Variants in ST8SIA1 observed in about 807,000 individuals in gnomAD.
ST8SIA1 encodes the protein ST8 alpha-N-acetyl-neuraminide alpha-2,8-sialyltransferase 1, also known as alpha-N-acetylneuraminide alpha-2,8-sialyltransferase.
ST8SIA1 carries 16 observed loss-of-function variants against 35.9 expected under a neutral mutation model. The observed-to-expected ratio is 0.45, with a 90% confidence interval of 0.30 to 0.68. The LOEUF (loss-of-function observed/expected upper bound fraction) is 0.68, where lower values mean the gene tolerates loss of function less well. Ranked by LOEUF, ST8SIA1 falls within the 30% of genes least tolerant of loss-of-function variation. ST8SIA1 has a pLI of 0.09. For missense variants in ST8SIA1, 383 were observed against 453.6 expected (o/e 0.84, Z 1.41); for synonymous variants, 170 against 169.6 (o/e 1.00, Z -0.02).
At chr12:22,260,450 G>A (rs1250974662) in intron 2 of ST8SIA1, among the ~76,000 whole-genome samples, 5 of 152,136 alleles carry the variant, frequency 3.3e-5, no homozygotes, top group African/African-American at 9.7e-5. Context: ...GAGCCACCGC[G>A]CCCAGCCTCA....
At chr12:22,274,547 C>T (rs914284289) in intron 2 of ST8SIA1, among the ~76,000 whole-genome samples, 2 of 152,052 alleles carry the variant, frequency 1.3e-5, no homozygotes, top group Non-Finnish European at 2.9e-5. Flanking sequence ...ATAAGAATAG[C>T]GAAAAGAAAT....
chr12:22,232,769 G>A (rs964302186), intron 4 of ST8SIA1, among the ~76,000 whole-genome samples: 1 of 152,052 alleles, frequency 6.6e-6, no homozygotes. Context: ...AACCCGGGAG[G>A]CGGAGGTTGC....
chr12:22,252,669 T>G (rs1213985310), intron 3 of ST8SIA1, among the ~76,000 whole-genome samples: 1 of 152,198 alleles, frequency 6.6e-6, no homozygotes, highest in Admixed American at 6.5e-5. Context: ...ATCAGAAGCG[T>G]TCATTAATTC....
At chr12:22,219,955 T>G (rs1318096761) in intron 4 of ST8SIA1, among the ~76,000 whole-genome samples, 1 of 152,204 alleles carries the variant, frequency 6.6e-6, no homozygotes. Context: ...GTAAGATCAC[T>G]TGAGTACCAG....
intron 1 of ST8SIA1, among the ~76,000 whole-genome samples, chr12:22,300,436 C>A (rs1866304561): frequency 6.6e-6 from 1 of 152,114 alleles, no homozygotes; most frequent in African/African-American, 2.4e-5. Context: ...TAATGCAAGA[C>A]CAACATATGG....
At chr12:22,271,055 C>T (rs924938549) in intron 2 of ST8SIA1, among the ~76,000 whole-genome samples, 12 of 152,252 alleles carry the variant, frequency 7.9e-5, no homozygotes, top group Middle Eastern at 3.4e-3. Context: ...GTCTGCAGTT[C>T]CCACAGGCAC....
At chr12:22,304,565 T>C (rs1456641368) in intron 1 of ST8SIA1, among the ~76,000 whole-genome samples, 2 of 152,188 alleles carry the variant, frequency 1.3e-5, no homozygotes, top group African/African-American at 4.8e-5. Flanking sequence ...GACCAGTTCA[T>C]CTCAACTCTT....
chr12:22,309,834 A>T (rs1422374486), intron 1 of ST8SIA1, among the ~76,000 whole-genome samples: 2 of 152,222 alleles, frequency 1.3e-5, no homozygotes, highest in Admixed American at 6.5e-5. Flanking sequence ...GAAGAAATTT[A>T]AAAAATATAT....
At chr12:22,327,804 G>A (rs1313695603) in intron 1 of ST8SIA1, among the ~76,000 whole-genome samples, 1 of 151,906 alleles carries the variant, frequency 6.6e-6, no homozygotes, top group Non-Finnish European at 1.5e-5. Flanking sequence ...GTTCATTCAG[G>A]CCTCTTCCAG....
chr12:22,313,016 T>C (rs561188530), intron 1 of ST8SIA1, among the ~76,000 whole-genome samples: 2 of 152,256 alleles, frequency 1.3e-5, no homozygotes, highest in East Asian at 1.9e-4. Context: ...AAATTTACAG[T>C]TTAAATATGA....
intron 1 of ST8SIA1, among the ~76,000 whole-genome samples, chr12:22,321,372 G>A (rs1358231657): frequency 6.6e-6 from 1 of 152,166 alleles, no homozygotes; most frequent in African/African-American, 2.4e-5. Flanking sequence ...CAGGGTTCAC[G>A]CGGAAGCAGC....
At chr12:22,326,311 C>T (rs1866680024) in intron 1 of ST8SIA1, 2 of 160,852 alleles carry the variant, frequency 1.2e-5, no homozygotes, top group Non-Finnish European at 2.7e-5. Flanking sequence ...AAAATTTTGC[C>T]GGCCATAGTA....
intron 4 of ST8SIA1, among the ~76,000 whole-genome samples, chr12:22,205,030 A>G (rs952658046): frequency 6.6e-5 from 10 of 152,108 alleles, no homozygotes; most frequent in African/African-American, 2.4e-4. Flanking sequence ...TTTATTGCAT[A>G]TATTCATTTT....
intron 4 of ST8SIA1, among the ~76,000 whole-genome samples, chr12:22,247,079 C>G (rs996716322): frequency 1.3e-5 from 2 of 148,564 alleles, no homozygotes; most frequent in Non-Finnish European, 3.0e-5. Flanking sequence ...TCCCTCCCTC[C>G]CTCCCTCATC....
intron 4 of ST8SIA1, among the ~76,000 whole-genome samples, chr12:22,227,689 T>C (rs1486094150): frequency 6.6e-6 from 1 of 152,234 alleles, no homozygotes; most frequent in Non-Finnish European, 1.5e-5. Context: ...AAGAAACTTA[T>C]TCCAGAACCA....
chr12:22,307,137 C>A (rs534069418), intron 1 of ST8SIA1, among the ~76,000 whole-genome samples: 2 of 152,114 alleles, frequency 1.3e-5, no homozygotes, highest in South Asian at 4.1e-4. Context: ...ATGTGAGAGG[C>A]TTTCTAGAAA....
At chr12:22,230,322 T>A (rs1366226014) in intron 4 of ST8SIA1, among the ~76,000 whole-genome samples, 1 of 152,178 alleles carries the variant, frequency 6.6e-6, no homozygotes, top group Non-Finnish European at 1.5e-5. Context: ...GCCTCTAGTC[T>A]TAGAGCACAG....
chr12:22,279,688 C>T (rs188280532), intron 2 of ST8SIA1, among the ~76,000 whole-genome samples: 2 of 152,330 alleles, frequency 1.3e-5, no homozygotes, highest in Non-Finnish European at 2.9e-5. Context: ...TTATTGCCAA[C>T]AGTGTTCCAC....
intron 2 of ST8SIA1, among the ~76,000 whole-genome samples, chr12:22,270,035 T>C (rs895974052): frequency 1.3e-5 from 2 of 152,184 alleles, no homozygotes; most frequent in South Asian, 2.1e-4. Flanking sequence ...ATTTCAGACA[T>C]ATCAGGAGAG....
Sources: allele counts gnomAD v4.1 joint callset (sites outside exome capture counted in the v4.1 genomes callset), GRCh38; gene constraint gnomAD v4.1.1; transcripts MANE v1.5; gene names NCBI Gene and HGNC (gene_info 2026-07-23, HGNC 2026-07-21).